The following EXOC6B variants were observed in gnomAD, a reference collection of about 807,000 sequenced individuals.
EXOC6B encodes exocyst complex component 6B.
EXOC6B carries 54 observed loss-of-function variants against 113.5 expected under a neutral mutation model. The ratio of observed to expected loss-of-function variants is 0.48; its 90% confidence interval spans 0.38 to 0.60. The LOEUF is 0.60. Among genes scored for constraint, EXOC6B ranks in the 20% least tolerant of loss-of-function variants. The probability of loss-of-function intolerance (pLI) is 0.00; values close to 1 mark genes in which losing one functional copy is unlikely to be tolerated. For missense variants in EXOC6B, 797 were observed against 977.5 expected (o/e 0.82, Z 2.46); for synonymous variants, 357 against 339.0 (o/e 1.05, Z -0.58).
chr2:72,232,158 A>G (rs901017385), intron 20 of EXOC6B, among the ~76,000 whole-genome samples: 1 of 152,020 alleles, frequency 6.6e-6, no homozygotes, highest in African/African-American at 2.4e-5. Context: ...TATTTTTAGT[A>G]GAGATGGGGT....
chr2:72,431,790 C>G (rs1695549158), intron 18 of EXOC6B, among the ~76,000 whole-genome samples: 1 of 152,050 alleles, frequency 6.6e-6, no homozygotes, highest in Non-Finnish European at 1.5e-5. Context: ...AATGCTACCC[C>G]TCCCCTAGCC....
chr2:72,486,079 C>T (rs1302234632), intron 16 of EXOC6B, among the ~76,000 whole-genome samples: 3 of 152,042 alleles, frequency 2.0e-5, no homozygotes, highest in African/African-American at 7.2e-5. Flanking sequence ...TAAGAAAATA[C>T]ACAATCATGG....
intron 18 of EXOC6B, among the ~76,000 whole-genome samples, chr2:72,449,298 T>A (rs1315654277): frequency 2.0e-5 from 3 of 152,010 alleles, no homozygotes; most frequent in Non-Finnish European, 2.9e-5. Flanking sequence ...TTGTCCTGCC[T>A]CAGCCTCCCA....
At chr2:72,633,572 G>C (rs1444443567) in intron 6 of EXOC6B, among the ~76,000 whole-genome samples, 1 of 152,084 alleles carries the variant, frequency 6.6e-6, no homozygotes, top group African/African-American at 2.4e-5. Context: ...TTAGCTCCTA[G>C]AGCTTCAGCA....
chr2:72,600,160 G>T (rs1670322600), intron 6 of EXOC6B, among the ~76,000 whole-genome samples: 1 of 152,090 alleles, frequency 6.6e-6, no homozygotes, highest in Admixed American at 6.5e-5. Context: ...GGTAAAACTG[G>T]CCAGGCACAG....
intron 1 of EXOC6B, among the ~76,000 whole-genome samples, chr2:72,807,368 C>T (rs1415454779): frequency 6.6e-6 from 1 of 152,068 alleles, no homozygotes; most frequent in Non-Finnish European, 1.5e-5. Context: ...CTAGTCTGTT[C>T]CATTTGTCTG....
At chr2:72,736,725 G>A (rs964558132) in intron 2 of EXOC6B, among the ~76,000 whole-genome samples, 2 of 152,176 alleles carry the variant, frequency 1.3e-5, no homozygotes, top group African/African-American at 2.4e-5. Flanking sequence ...ACCCTGCCAA[G>A]GAGGTATTCT....
chr2:72,807,987 G>A (rs563612235), intron 1 of EXOC6B, among the ~76,000 whole-genome samples: 3 of 152,212 alleles, frequency 2.0e-5, no homozygotes, highest in Admixed American at 1.3e-4. Flanking sequence ...AAGGATAAAC[G>A]CTTGAGGGGA....
chr2:72,291,577 C>G (rs952466571), intron 20 of EXOC6B, among the ~76,000 whole-genome samples: 1 of 152,174 alleles, frequency 6.6e-6, no homozygotes, highest in Non-Finnish European at 1.5e-5. Flanking sequence ...ATTTTCCTAA[C>G]TGATGTTTTC....
chr2:72,425,229 C>T (rs1297650545), intron 18 of EXOC6B, among the ~76,000 whole-genome samples: 1 of 152,042 alleles, frequency 6.6e-6, no homozygotes, highest in African/African-American at 2.4e-5. Flanking sequence ...CCCCTTCTTC[C>T]CCTCAATTAT....
At chr2:72,498,611 T>C in intron 12 of EXOC6B, 60 bp from the exon 13 acceptor site, 1 of 1,222,076 alleles carries the variant, frequency 8.2e-7, no homozygotes, top group Non-Finnish European at 1.1e-6. Context: ...TTTCGGTTTT[T>C]TTTTTTTTTG....
chr2:72,558,961 G>A (rs546480273), intron 8 of EXOC6B, among the ~76,000 whole-genome samples: 1 of 152,162 alleles, frequency 6.6e-6, no homozygotes, highest in South Asian at 2.1e-4. Context: ...CTTACTTTCT[G>A]TGTATCTATG....
rs935883791 is a variant in EXOC6B, at chr2:72,678,481, C to T, written c.669+39622G>A. Among the ~76,000 whole-genome samples, 9 of 152,082 alleles carry T rather than the reference C, an allele frequency of 5.9e-5. No homozygotes were observed. The South Asian group carries it at 8.3e-4, about 14-fold the overall frequency. On this transcript the variant is annotated intron_variant, in intron 6 of 21. Transcript: ENST00000272427. The stretch of plus-strand genomic sequence containing the variant: ...CAACACTTTAGGAAGCCAAGGTGAG[C>T]GGATCACTTGAGGCCAGGAGTTGGA...
chr2:72,579,166 T>C (rs1558813647), intron 6 of EXOC6B, among the ~76,000 whole-genome samples: 1 of 152,246 alleles, frequency 6.6e-6, no homozygotes, highest in East Asian at 1.9e-4. Flanking sequence ...ATGTGGTACA[T>C]GGAAGAGAAG....
chr2:72,390,649 G>C (rs1457603199), intron 18 of EXOC6B, among the ~76,000 whole-genome samples: 3 of 152,120 alleles, frequency 2.0e-5, no homozygotes. Context: ...CTTTTATGTA[G>C]AGGCCCAAAA....
intron 4 of EXOC6B, 39 bp downstream of exon 4, chr2:72,731,116 A>C: frequency 6.3e-7 from 1 of 1,584,550 alleles, no homozygotes; most frequent in Non-Finnish European, 8.6e-7. Context: ...GCAAAAAAAA[A>C]ATTACACCAA....
rs1876490 is a variant in EXOC6B at position 72,825,222 on chromosome 2, G to A, written c.113+576C>T. 0.57 allele frequency among the ~76,000 whole-genome samples: 86,397 copies of A among 152,000 alleles called. 29,629 individuals are homozygous for A. The highest frequency in any genetic ancestry group is 0.92 in the East Asian group (4,753 of 5,154). ...GCGATGAGGAGGCTGCACCGTGGGC[G>A]AGGGTCGTCCTCGTAACAGGGAGGC... On this transcript the variant is annotated intron_variant, in intron 1 of 21. Transcript: ENST00000272427. The surrounding 1 kb of genome is among the most constrained non-coding windows in gnomAD (Gnocchi z 4.4).
chr2:72,608,107 G>A (rs1670858466), intron 6 of EXOC6B, among the ~76,000 whole-genome samples: 1 of 151,990 alleles, frequency 6.6e-6, no homozygotes, highest in Non-Finnish European at 1.5e-5. Context: ...AATAAAAACA[G>A]AACACAACAT....
chr2:72,784,012 A>G (rs1684228592), intron 1 of EXOC6B, among the ~76,000 whole-genome samples: 1 of 152,120 alleles, frequency 6.6e-6, no homozygotes, highest in Non-Finnish European at 1.5e-5. Context: ...ATCCTTCTTG[A>G]GTTCATTTTT....
Sources: allele counts gnomAD v4.1 joint callset (sites outside exome capture counted in the v4.1 genomes callset), GRCh38; gene constraint gnomAD v4.1.1; non-coding constraint Gnocchi (gnomAD v3.1); transcripts MANE v1.5; gene names NCBI Gene and HGNC (gene_info 2026-07-23, HGNC 2026-07-21).